The following CPPED1 variants were observed in gnomAD, a reference collection of about 807,000 sequenced individuals.
CPPED1 encodes serine/threonine-protein phosphatase CPPED1.
Under a neutral mutation model 28.0 loss-of-function variants are expected in CPPED1, and 28 were observed. The observed-to-expected ratio is 1.00, with a 90% CI of 0.74 to 1.37. CPPED1 has a LOEUF of 1.37. Among genes scored for constraint, CPPED1 ranks in the 40% most tolerant of loss-of-function variants. CPPED1 has a pLI of 0.00. For synonymous variants in CPPED1, 198 were observed against 180.2 expected, an observed-to-expected ratio of 1.10 and a Z score of -0.79; for missense variants, 504 against 416.5, an observed-to-expected ratio of 1.21 and a Z score of -1.83.
intron 3 of CPPED1, among the ~76,000 whole-genome samples, chr16:12,666,846 AC>A (rs1200151665): frequency 6.6e-6 from 1 of 152,212 alleles, no homozygotes; most frequent in African/African-American, 2.4e-5. Flanking sequence ...TGGCCACTTA[AC>A]AACCAGCTCA....
At chr16:12,717,509 C>G (rs2080113611) in intron 2 of CPPED1, among the ~76,000 whole-genome samples, 1 of 152,194 alleles carries the variant, frequency 6.6e-6, no homozygotes, top group Admixed American at 6.5e-5. Context: ...CGTGACCTGC[C>G]TGCTTCGGCC....
At chr16:12,744,741 G>A (rs957206193) in intron 2 of CPPED1, among the ~76,000 whole-genome samples, 1 of 152,202 alleles carries the variant, frequency 6.6e-6, no homozygotes, top group Non-Finnish European at 1.5e-5. Context: ...AGTACTTTGG[G>A]AGGCCGAGGC....
chr16:12,757,633 T>TG, intron 2 of CPPED1: 2 of 138,728 alleles, frequency 1.4e-5, no homozygotes, highest in Admixed American at 1.7e-4. Context: ...GCAGGCACAC[T>TG]GGGGGCCTTA....
chr16:12,671,558 T>G (rs1204579756), intron 3 of CPPED1, among the ~76,000 whole-genome samples: 2 of 152,156 alleles, frequency 1.3e-5, no homozygotes, highest in Admixed American at 6.5e-5. Context: ...GAACTGGAGA[T>G]TCACCTGTGG....
Position 12,781,353 on chromosome 16 carries a change from G to C in CPPED1, c.121C>G (p.Pro41Ala). Residue 41 changes from proline to alanine, a missense_variant, in exon 2 of 4, where the codon CCA (proline) becomes GCA (alanine). By Grantham distance (27) the Pro-to-Ala change is conservative. Transcript: ENST00000381774. ...CAGGCCTTGATCAGCCCAAACTGTG[G>C]GTCTGCGCCCAGGATGAAGTAGAAT... The part of the protein sequence containing the change: ...GPFYFILGAD[P>A]QFGLIKAWST... 6.2e-7 allele frequency: 1 copy of C among 1,614,066 alleles called. No individual in the cohort carries two copies. The highest frequency in any genetic ancestry group is 1.1e-5 in the South Asian group (1 of 91,076).
chr16:12,663,408 T>G lies in CPPED1; in HGVS notation c.*1478A>C, dbSNP rs554468049. The stretch of plus-strand genomic sequence containing the variant: ...ATGCCCTTTACCGAACTCCTTTTCT[T>G]GACCTCCTATACCTACACCTGTTGT... On this transcript the variant is annotated 3_prime_UTR_variant, in exon 4 of 4. Transcript: ENST00000381774. The G allele has an allele frequency of 1.6e-4, 25 of 152,164 alleles. No homozygotes were observed. The highest frequency in any genetic ancestry group is 2.1e-4 in the South Asian group (1 of 4,818). The allele number at this position is 152,164 out of a possible 1,614,324, so 9.4% of individuals were successfully genotyped here.
intron 3 of CPPED1, among the ~76,000 whole-genome samples, chr16:12,667,565 G>C (rs938821257): frequency 6.6e-6 from 1 of 152,150 alleles, no homozygotes; most frequent in African/African-American, 2.4e-5. Context: ...ATCAGCCTGG[G>C]CAATGTAGCA....
intron 3 of CPPED1, among the ~76,000 whole-genome samples, chr16:12,674,729 C>A (rs536862213): frequency 2.0e-4 from 30 of 152,308 alleles, no homozygotes; most frequent in African/African-American, 5.5e-4. Context: ...CACAGCTAGA[C>A]AACAGGGCAT....
intron 3 of CPPED1, among the ~76,000 whole-genome samples, chr16:12,688,754 T>G (rs1208773406): frequency 6.6e-6 from 1 of 152,224 alleles, no homozygotes; most frequent in Admixed American, 6.5e-5. Flanking sequence ...GTGTTTCCCT[T>G]GTCTCCAAGG....
intron 3 of CPPED1, among the ~76,000 whole-genome samples, chr16:12,693,529 T>C (rs1016278672): frequency 6.6e-6 from 1 of 152,142 alleles, no homozygotes; most frequent in South Asian, 2.1e-4. Flanking sequence ...ACTCAATCAA[T>C]TCATATGCAA....
chr16:12,786,359 T>G (rs556373232), intron 1 of CPPED1, among the ~76,000 whole-genome samples: 1 of 152,118 alleles, frequency 6.6e-6, no homozygotes, highest in Non-Finnish European at 1.5e-5. Flanking sequence ...GCAACTTACA[T>G]GGGTTGGAGG....
At chr16:12,756,833 T>C (rs1444000084) in intron 2 of CPPED1, among the ~76,000 whole-genome samples, 1 of 152,168 alleles carries the variant, frequency 6.6e-6, no homozygotes, top group East Asian at 1.9e-4. Context: ...ATGATACCAA[T>C]TTAACCCTTG....
intron 3 of CPPED1, among the ~76,000 whole-genome samples, chr16:12,686,574 T>C (rs1377532872): frequency 6.6e-6 from 1 of 152,212 alleles, no homozygotes; most frequent in Non-Finnish European, 1.5e-5. Context: ...TTGCCTTCAG[T>C]AGGACCAAAG....
intron 3 of CPPED1, among the ~76,000 whole-genome samples, chr16:12,690,375 G>A (rs1300720774): frequency 5.9e-5 from 9 of 151,964 alleles, no homozygotes; most frequent in Admixed American, 2.0e-4. Flanking sequence ...TTAGCCAGGC[G>A]TGGTGGGGAG....
chr16:12,796,726 T>A (rs1042300380), intron 1 of CPPED1, among the ~76,000 whole-genome samples: 3 of 152,148 alleles, frequency 2.0e-5, no homozygotes, highest in Admixed American at 6.5e-5. Context: ...ATCCTAGGTA[T>A]CTACCCAAAA....
chr16:12,772,956 T>C (rs1180315623), intron 2 of CPPED1, among the ~76,000 whole-genome samples: 4 of 152,214 alleles, frequency 2.6e-5, no homozygotes, highest in South Asian at 2.1e-4. Context: ...CATATGAATA[T>C]GCTCACTAAA....
In CPPED1 at chr16:12,689,336, C is replaced by G. The variant is rs1306647073; in HGVS notation, c.715+15288G>C. Reference sequence around the variant, plus strand: ...CGAATTTATGGGCTCAAGAGATCCTCCCACCTCAGCCTCCCAAGTAGCTAG... The same window carrying G: ...CGAATTTATGGGCTCAAGAGATCCTGCCACCTCAGCCTCCCAAGTAGCTAG... On this transcript the variant is annotated intron_variant, in intron 3 of 3. Coordinates refer to ENST00000381774, the MANE Select transcript of CPPED1 (RefSeq NM_018340.3). Among the ~76,000 whole-genome samples, 7 of 149,290 alleles carry G rather than the reference C, an allele frequency of 4.7e-5. No individual in the cohort carries two copies. The East Asian group carries it at 1.4e-3, about 30-fold the overall frequency.
intron 2 of CPPED1, among the ~76,000 whole-genome samples, chr16:12,721,914 T>TAAATA (rs975389518): frequency 2.0e-5 from 3 of 152,196 alleles, no homozygotes; most frequent in African/African-American, 7.2e-5. Flanking sequence ...GGAGGTTGTC[T>TAAATA]AAATAACAGA....
intron 3 of CPPED1, among the ~76,000 whole-genome samples, chr16:12,665,442 G>T (rs1312849290): frequency 6.6e-6 from 1 of 152,084 alleles, no homozygotes; most frequent in Non-Finnish European, 1.5e-5. Flanking sequence ...GGAGACTGAA[G>T]AAAACAGCCT....
Sources: gnomAD v4.1 joint callset for allele counts (sites outside exome capture counted in the v4.1 genomes callset) on GRCh38, gnomAD v4.1.1 for gene constraint, MANE v1.5 for transcripts, NCBI Gene and HGNC (gene_info 2026-07-23, HGNC 2026-07-21) for gene names.